ERC1: variants seen among roughly 807,000 people sequenced by gnomAD.
ERC1 encodes ELKS/RAB6-interacting/CAST family member 1.
A neutral mutation model predicts 132.0 loss-of-function variants in ERC1; 56 were observed. That is an observed-to-expected ratio of 0.42 (90% CI 0.34 to 0.53). The LOEUF is 0.53. Among genes scored for constraint, ERC1 ranks in the 20% least tolerant of loss-of-function variants. The probability of loss-of-function intolerance (pLI) is 0.03; values close to 1 mark genes in which losing one functional copy is unlikely to be tolerated. For synonymous variants in ERC1, 478 were observed against 476.1 expected (o/e 1.00, Z -0.05); for missense variants, 1,202 against 1,349.9 (o/e 0.89, Z 1.72).
intron 15 of ERC1, among the ~76,000 whole-genome samples, chr12:1,363,407 T>G (rs1203020033): frequency 6.6e-6 from 1 of 152,204 alleles, no homozygotes; most frequent in Admixed American, 6.5e-5. Context: ...TCAATGTCAT[T>G]TACTGAGCTA....
intron 4 of ERC1, among the ~76,000 whole-genome samples, chr12:1,107,209 T>C (rs887566617): frequency 1.3e-5 from 2 of 152,030 alleles, no homozygotes; most frequent in African/African-American, 4.8e-5. Context: ...TACTATTTTT[T>C]TGTTTGTTTG....
chr12:1,202,662 GAA>G (rs957525898), intron 12 of ERC1, among the ~76,000 whole-genome samples: 2 of 148,158 alleles, frequency 1.3e-5, no homozygotes, highest in African/African-American at 4.9e-5. Flanking sequence ...TCTCAAAAAG[GAA>G]AAAAAAAGAG....
chr12:1,361,258 TGGGGTGG>T (rs1159425610), intron 15 of ERC1, among the ~76,000 whole-genome samples: 1 of 54,842 alleles, frequency 1.8e-5, no homozygotes, highest in East Asian at 6.8e-4. Flanking sequence ...GGGACTGTTG[TGGGGTGG>T]GGGGAGGGAG....
chr12:1,443,610 T>C (rs938779202), intron 17 of ERC1: 3 of 152,324 alleles, frequency 2.0e-5, no homozygotes, highest in Admixed American at 6.5e-5. Context: ...ACAGCTGCTG[T>C]GTGTCAAGCA....
intron 18 of ERC1, among the ~76,000 whole-genome samples, chr12:1,462,675 G>T (rs1269390151): frequency 6.6e-6 from 1 of 152,144 alleles, no homozygotes; most frequent in African/African-American, 2.4e-5. Context: ...TATAGGAATT[G>T]ACTGAAAGAG....
At chr12:1,163,795 A>G (rs947240485) in intron 8 of ERC1, among the ~76,000 whole-genome samples, 2 of 152,186 alleles carry the variant, frequency 1.3e-5, no homozygotes, top group African/African-American at 4.8e-5. Flanking sequence ...AGCTCACTGC[A>G]ACCTCTACCT....
At chr12:1,010,928 T>G (rs913040800) in intron 1 of ERC1, among the ~76,000 whole-genome samples, 2 of 152,186 alleles carry the variant, frequency 1.3e-5, no homozygotes, top group Admixed American at 1.3e-4. Flanking sequence ...TGCGTACCCA[T>G]GCGTTATATA....
intron 1 of ERC1, among the ~76,000 whole-genome samples, chr12:1,004,002 C>T (rs1444888822): frequency 1.3e-5 from 2 of 152,070 alleles, no homozygotes; most frequent in Admixed American, 1.3e-4. Flanking sequence ...TTGTCAGAAC[C>T]CAGGATGCCA....
At chr12:1,371,439 G>A (rs1229747298) in intron 15 of ERC1, among the ~76,000 whole-genome samples, 1 of 152,240 alleles carries the variant, frequency 6.6e-6, no homozygotes, top group African/African-American at 2.4e-5. Flanking sequence ...TGGGCAAGCT[G>A]TGTAAACTCT....
At chr12:1,457,035 A>G (rs950928537) in intron 18 of ERC1, among the ~76,000 whole-genome samples, 1 of 152,118 alleles carries the variant, frequency 6.6e-6, no homozygotes, top group Non-Finnish European at 1.5e-5. Flanking sequence ...ATAAGACCAT[A>G]TTTTTACTGT....
chr12:1,448,239 T>C (rs1051150283), intron 18 of ERC1, among the ~76,000 whole-genome samples: 4 of 152,214 alleles, frequency 2.6e-5, no homozygotes, highest in Non-Finnish European at 5.9e-5. Flanking sequence ...AGAATGTACT[T>C]CAGTTACTGA....
At chr12:1,413,441 A>G (rs1447817126) in intron 17 of ERC1, among the ~76,000 whole-genome samples, 1 of 151,998 alleles carries the variant, frequency 6.6e-6, no homozygotes, top group East Asian at 1.9e-4. Flanking sequence ...TAAAAATACA[A>G]AAATTAGCTG....
chr12:1,373,084 G>A (rs1403068339), intron 16 of ERC1, among the ~76,000 whole-genome samples: 1 of 152,162 alleles, frequency 6.6e-6, no homozygotes, highest in Admixed American at 6.5e-5. Flanking sequence ...ATTCACAAGT[G>A]AAATAAAACT....
At chr12:1,126,312 A>G (rs189354277) in intron 7 of ERC1, among the ~76,000 whole-genome samples, 79 of 152,342 alleles carry the variant, frequency 5.2e-4, no homozygotes, top group Admixed American at 1.2e-3. Context: ...CTAGCACAGG[A>G]AGGAGCAGAT....
At chr12:1,064,944 A>T (rs773822231) in intron 2 of ERC1, among the ~76,000 whole-genome samples, 12 of 152,082 alleles carry the variant, frequency 7.9e-5, no homozygotes, top group South Asian at 4.1e-4. Context: ...CCCATATGCC[A>T]TGTGGGCTTT....
At chr12:1,236,530 T>C (rs866826762) in intron 12 of ERC1, among the ~76,000 whole-genome samples, 1 of 152,242 alleles carries the variant, frequency 6.6e-6, no homozygotes, top group African/African-American at 2.4e-5. Context: ...TTTTATGATT[T>C]CATTGTTCTT....
chr12:1,042,316 T>G (rs1043307589), intron 2 of ERC1, among the ~76,000 whole-genome samples: 1 of 151,170 alleles, frequency 6.6e-6, no homozygotes, highest in African/African-American at 2.4e-5. Context: ...GGATTACAGA[T>G]GTGAGCCATT....
chr12:1,204,461 C>T (rs554547106), intron 12 of ERC1: 1 of 1,548,710 alleles, frequency 6.5e-7, no homozygotes, highest in South Asian at 1.2e-5. Context: ...TTCTAACTTT[C>T]TTTTTCACAT....
At chr12:1,321,040 C>G (rs933540022) in intron 15 of ERC1, among the ~76,000 whole-genome samples, 1 of 152,186 alleles carries the variant, frequency 6.6e-6, no homozygotes, top group Non-Finnish European at 1.5e-5. Context: ...AGATGTAAAA[C>G]AGTATGCTAC....
Sources: allele counts gnomAD v4.1 joint callset (sites outside exome capture counted in the v4.1 genomes callset), GRCh38; gene constraint gnomAD v4.1.1; transcripts MANE v1.5; gene names NCBI Gene and HGNC (gene_info 2026-07-23, HGNC 2026-07-21).